Variants in THRB observed in about 807,000 individuals in gnomAD.
The protein encoded by THRB is nuclear receptor subfamily 1 group A member 2.
Under a neutral mutation model 47.8 loss-of-function variants are expected in THRB, and 12 were observed. The ratio of observed to expected loss-of-function variants is 0.25; its 90% CI spans 0.16 to 0.41. The LOEUF (loss-of-function observed/expected upper bound fraction) is 0.41. Ranked by LOEUF, THRB falls within the 10% of genes least tolerant of loss-of-function variation. THRB has a pLI of 1.00. For missense variants in THRB, 348 were observed against 589.2 expected (o/e 0.59, Z 4.24); for synonymous variants, 218 against 212.2 (o/e 1.03, Z -0.24).
chr3:24,375,214 C>G (rs541803791), intron 1 of THRB, among the ~76,000 whole-genome samples: 1 of 151,226 alleles, frequency 6.6e-6, no homozygotes, highest in Non-Finnish European at 1.5e-5. Flanking sequence ...CATACACTAT[C>G]TTTTAAATTA....
At chr3:24,187,389 G>C (rs1255663766) in intron 5 of THRB, among the ~76,000 whole-genome samples, 3 of 152,208 alleles carry the variant, frequency 2.0e-5, no homozygotes, top group African/African-American at 7.2e-5. Context: ...TGACTGATCT[G>C]GCAGATGGGC....
chr3:24,396,238 G>A (rs900549952), intron 1 of THRB, among the ~76,000 whole-genome samples: 11 of 151,860 alleles, frequency 7.2e-5, no homozygotes, highest in African/African-American at 2.4e-4. Context: ...TCTCAGCTAC[G>A]GCTGCCCCTT....
At chr3:24,379,113 C>T (rs934926570) in intron 1 of THRB, among the ~76,000 whole-genome samples, 5 of 152,058 alleles carry the variant, frequency 3.3e-5, no homozygotes, top group East Asian at 1.9e-4. Context: ...AGCACTAAAC[C>T]GCCTTCGATG....
At chr3:24,258,291 C>T (rs551369567) in intron 3 of THRB, among the ~76,000 whole-genome samples, 88 of 152,170 alleles carry the variant, frequency 5.8e-4, no homozygotes, top group Middle Eastern at 3.4e-3. Flanking sequence ...AGGAAAAGGC[C>T]GAAGGGTCTG....
intron 4 of THRB, among the ~76,000 whole-genome samples, chr3:24,208,706 G>A (rs2149819591): frequency 6.6e-6 from 1 of 152,256 alleles, no homozygotes; most frequent in South Asian, 2.1e-4. Flanking sequence ...ATTCAAGATG[G>A]ATTAAAGACG....
intron 4 of THRB, among the ~76,000 whole-genome samples, chr3:24,224,025 A>C (rs934832546): frequency 5.3e-5 from 8 of 152,182 alleles, no homozygotes; most frequent in African/African-American, 1.9e-4. Context: ...AAATTTCTAC[A>C]TTTGGAGGGT....
intron 2 of THRB, among the ~76,000 whole-genome samples, chr3:24,320,964 G>A (rs956425094): frequency 1.3e-5 from 2 of 152,154 alleles, no homozygotes; most frequent in African/African-American, 2.4e-5. Context: ...TTAAGGCCTG[G>A]AGCAGAGCTC....
At chr3:24,453,525 T>C in intron 1 of THRB, among the ~76,000 whole-genome samples, 1 of 152,218 alleles carries the variant, frequency 6.6e-6, no homozygotes, top group Non-Finnish European at 1.5e-5. Flanking sequence ...CATTGCTCAC[T>C]CTAGCAACAG....
rs372724865 is a variant in THRB at position 24,228,033 on chromosome 3, CA to C, written c.22+904del. 2.4e-4 allele frequency among the ~76,000 whole-genome samples: 37 copies of C among 152,204 alleles called. No individual in the cohort carries two copies. In the East Asian group the frequency reaches 5.2e-3, roughly 21 times the overall value. On this transcript the variant is annotated intron_variant, in intron 4 of 10. Coordinates refer to ENST00000646209, the MANE Select transcript of THRB (RefSeq NM_001354712.2). ...ATATTTCATTTAAAATCCGAATTTC[CA>C]ACTTCTCTTGCAAATTTGAAATCTC...
chr3:24,302,362 A>G (rs1246341573), intron 2 of THRB, among the ~76,000 whole-genome samples: 1 of 152,152 alleles, frequency 6.6e-6, no homozygotes, highest in African/African-American at 2.4e-5. Context: ...GGGTTTTTAT[A>G]GATTTTGTTT....
intron 1 of THRB, among the ~76,000 whole-genome samples, chr3:24,461,849 G>T (rs779314181): frequency 6.6e-6 from 1 of 152,046 alleles, no homozygotes; most frequent in Non-Finnish European, 1.5e-5. Flanking sequence ...TTCCCAAATG[G>T]TCATCAATGA....
At chr3:24,473,206 C>A (rs1251985890) in intron 1 of THRB, among the ~76,000 whole-genome samples, 1 of 152,170 alleles carries the variant, frequency 6.6e-6, no homozygotes, top group Non-Finnish European at 1.5e-5. Context: ...GAGAACCTAG[C>A]ATGTTCTTCT....
intron 1 of THRB, among the ~76,000 whole-genome samples, chr3:24,394,923 T>G (rs2066842651): frequency 6.6e-6 from 1 of 152,100 alleles, no homozygotes; most frequent in Non-Finnish European, 1.5e-5. Context: ...TTTATACCAG[T>G]GTATAGACAC....
intron 3 of THRB, among the ~76,000 whole-genome samples, chr3:24,277,852 G>A (rs946846124): frequency 1.3e-5 from 2 of 152,172 alleles, no homozygotes; most frequent in South Asian, 4.1e-4. Context: ...TAAGATTCAA[G>A]CTTGTTACAA....
rs549056008 is a variant in THRB, at chr3:24,143,830, G to T, written c.533-124C>A. 5 of 957,554 alleles carry T rather than the reference G, an allele frequency of 5.2e-6. No homozygotes were observed. In the Admixed American group the frequency reaches 7.8e-5, roughly 15 times the overall value. 59.3% of individuals were successfully genotyped at this position (957,554 alleles called of 1,614,324 possible). ...CAGATGGCTTACTGGGTCCTTCGGG[G>T]TGGGTCACACTGGGACAGTTTCTCT... On this transcript the variant is annotated intron_variant, in intron 7 of 10. Coordinates refer to ENST00000646209, the MANE Select transcript of THRB (RefSeq NM_001354712.2).
chr3:24,250,063 G>T (rs2050509222), intron 3 of THRB, among the ~76,000 whole-genome samples: 1 of 152,140 alleles, frequency 6.6e-6, no homozygotes, highest in African/African-American at 2.4e-5. Flanking sequence ...ACAGAAATAA[G>T]ACATGACTGT....
At chr3:24,354,484 T>C (rs1468443078) in intron 1 of THRB, among the ~76,000 whole-genome samples, 2 of 152,168 alleles carry the variant, frequency 1.3e-5, no homozygotes, top group Admixed American at 6.5e-5. Context: ...GATCTCACCA[T>C]TGGGTTTTCT....
chr3:24,200,160 A>G (rs1485781795), intron 4 of THRB, among the ~76,000 whole-genome samples: 1 of 152,206 alleles, frequency 6.6e-6, no homozygotes, highest in African/African-American at 2.4e-5. Context: ...AAATGCACAT[A>G]AAAGGGAACA....
chr3:24,470,824 C>T (rs1234245732), intron 1 of THRB, among the ~76,000 whole-genome samples: 1 of 152,140 alleles, frequency 6.6e-6, no homozygotes, highest in African/African-American at 2.4e-5. Context: ...ACCATGTTGG[C>T]CAGGCTGGTC....
Sources: gnomAD v4.1 joint callset for allele counts (sites outside exome capture counted in the v4.1 genomes callset) on GRCh38, gnomAD v4.1.1 for gene constraint, MANE v1.5 for transcripts, NCBI Gene and HGNC (gene_info 2026-07-23, HGNC 2026-07-21) for gene names.